TENM1: variants seen among roughly 807,000 people sequenced by gnomAD.
TENM1 encodes teneurin transmembrane protein 1.
TENM1 carries 35 observed loss-of-function variants against 174.8 expected under a neutral mutation model. The observed-to-expected ratio is 0.20, with a 90% CI of 0.15 to 0.27. The LOEUF (loss-of-function observed/expected upper bound fraction) is 0.27. Among genes scored for constraint, TENM1 ranks in the 10% least tolerant of loss-of-function variants. TENM1 has a pLI of 1.00. For missense variants in TENM1, 1,633 were observed against 2,130.1 expected (o/e 0.77, Z 4.59); for synonymous variants, 781 against 798.7 (o/e 0.98, Z 0.37).
chrX:125,083,966 G>T, the TENM1 span, among the ~76,000 whole-genome samples: 3 of 111,154 alleles, frequency 2.7e-5, no homozygotes, highest in African/African-American at 9.8e-5. Flanking sequence ...GCTCAAGTTT[G>T]TAGGTGAGAC....
chrX:124,457,001 C>T (rs192933953), intron 22 of TENM1, among the ~76,000 whole-genome samples: 41 of 111,590 alleles, frequency 3.7e-4, no homozygotes, highest in Non-Finnish European at 6.8e-4. Flanking sequence ...AATTTTCAAC[C>T]GGAATTCATT....
exon 17 of TENM1, chrX:124,523,381 T>C (rs1384013344): frequency 9.1e-6 from 11 of 1,211,677 alleles, no homozygotes; most frequent in Non-Finnish European, 1.1e-5. Context: ...TCAGGAACAA[T>C]AGTTCCCCTC....
intron 5 of TENM1, 148 bp from the exon 9 acceptor site, chrX:124,671,983 T>TGTAA: frequency 4.0e-6 from 2 of 496,241 alleles, no homozygotes; most frequent in Non-Finnish European, 6.7e-6. Flanking sequence ...ACATCATACA[T>TGTAA]GTAGCTACTT....
the TENM1 span, among the ~76,000 whole-genome samples, chrX:125,103,914 C>G: frequency 9.0e-6 from 1 of 111,723 alleles, no homozygotes; most frequent in African/African-American, 3.3e-5. Flanking sequence ...CACTTGAACC[C>G]GGAAGGCGGA....
intron 29 of TENM1, 133 bp from the exon 33 acceptor site, chrX:124,384,987 TC>T: frequency 1.8e-6 from 1 of 543,253 alleles, no homozygotes; most frequent in Non-Finnish European, 2.7e-6. Context: ...ATCTCTGATA[TC>T]AAATGCCTGG....
At chrX:124,747,201 C>T (rs950179818) in intron 3 of TENM1, among the ~76,000 whole-genome samples, 9 of 106,402 alleles carry the variant, frequency 8.5e-5, no homozygotes, top group Non-Finnish European at 1.2e-4. Flanking sequence ...AAAATAAAAA[C>T]GCAAATTAGT....
chrX:124,753,044 T>C (rs2054124168), intron 3 of TENM1, among the ~76,000 whole-genome samples: 1 of 111,039 alleles, frequency 9.0e-6, no homozygotes, highest in African/African-American at 3.3e-5. Context: ...GGTAGCTTGA[T>C]GGGGATGGCA....
intron 3 of TENM1, among the ~76,000 whole-genome samples, chrX:124,767,004 A>G (rs765756360): frequency 3.6e-5 from 4 of 112,131 alleles, no homozygotes; most frequent in Non-Finnish European, 7.5e-5. Context: ...CTTAATTACA[A>G]TGAATACAAT....
chrX:124,645,791 T>C (rs1195385698), intron 9 of TENM1, among the ~76,000 whole-genome samples: 4 of 112,349 alleles, frequency 3.6e-5, no homozygotes, highest in African/African-American at 6.5e-5. Context: ...CTATAACACA[T>C]TGTGCAGACC....
At chrX:125,038,902 C>T in the TENM1 span, among the ~76,000 whole-genome samples, 5 of 111,607 alleles carry the variant, frequency 4.5e-5, no homozygotes, top group Non-Finnish European at 9.5e-5. Flanking sequence ...AAAGACTAGG[C>T]TTAAAGAATA....
intron 29 of TENM1, among the ~76,000 whole-genome samples, chrX:124,385,342 G>A (rs1366263977): frequency 1.8e-5 from 2 of 112,130 alleles, no homozygotes; most frequent in Admixed American, 9.4e-5. Context: ...AGGTTACACA[G>A]GGCTTGAGCT....
chrX:124,605,337 A>C (rs2050128390), intron 11 of TENM1, among the ~76,000 whole-genome samples: 1 of 107,329 alleles, frequency 9.3e-6, no homozygotes. Flanking sequence ...GTTTCACCTT[A>C]AAAATCACAG....
rs981237294 is a variant in TENM1, at chrX:124,751,814, C to T, written c.536-14617G>A. ...ATTTCATCCATGTCCCTACAAAGGA[C>T]ATGAACTCATCATTTTTTATGGCTG... is the stretch of plus-strand genomic sequence containing the variant. On this transcript the variant is annotated intron_variant, in intron 3 of 31. Coordinates refer to ENST00000422452, the Ensembl canonical transcript of TENM1. Among the ~76,000 whole-genome samples, 6 of 109,628 alleles carry T rather than the reference C, an allele frequency of 5.5e-5. No individual in the cohort carries two copies. The Admixed American group carries it at 5.8e-4, about 11-fold the overall frequency.
intron 11 of TENM1, among the ~76,000 whole-genome samples, chrX:124,577,972 C>T (rs2049210479): frequency 9.3e-6 from 1 of 107,886 alleles, no homozygotes; most frequent in African/African-American, 3.4e-5. Context: ...GTTGCCCAGG[C>T]TGGAGTGCAG....
At position 124,500,250 on chromosome X, in the gene TENM1, T is replaced by C. The variant is rs891388942; in HGVS notation, c.3446-2985A>G. Among the ~76,000 whole-genome samples the C allele has an allele frequency of 2.7e-5, 3 of 112,061 alleles. No homozygotes were observed. The Admixed American group carries it at 2.8e-4, about 11-fold the overall frequency. ...TGAAATGACCATTTCTGTTTAAAGC[T>C]GAAGCAATCAAAACAAAAATGGGCA... On this transcript the variant is annotated intron_variant, in intron 19 of 31. Coordinates refer to ENST00000422452, the Ensembl canonical transcript of TENM1.
chrX:124,516,489 T>C (rs1380550923), intron 18 of TENM1, among the ~76,000 whole-genome samples: 1 of 111,888 alleles, frequency 8.9e-6, no homozygotes, highest in Non-Finnish European at 1.9e-5. Flanking sequence ...TATAAGGAAC[T>C]TAAACAAATT....
the TENM1 span, among the ~76,000 whole-genome samples, chrX:125,152,827 G>T: frequency 8.9e-6 from 1 of 112,133 alleles, no homozygotes; most frequent in Non-Finnish European, 1.9e-5. Flanking sequence ...ATCAGTGATG[G>T]TACAAAGAAT....
At chrX:124,874,988 C>T (rs2057173468) in intron 3 of TENM1, among the ~76,000 whole-genome samples, 1 of 110,994 alleles carries the variant, frequency 9.0e-6, no homozygotes, top group East Asian at 2.8e-4. Flanking sequence ...TTATGTTTTT[C>T]CCCATATATT....
At chrX:125,012,748 T>C in the TENM1 span, among the ~76,000 whole-genome samples, 1 of 111,830 alleles carries the variant, frequency 8.9e-6, no homozygotes. Context: ...TAAAATCAAT[T>C]TAAATGAAGG....
Sources: allele counts gnomAD v4.1 joint callset (sites outside exome capture counted in the v4.1 genomes callset), GRCh38; gene constraint gnomAD v4.1.1; transcripts MANE v1.5; gene names NCBI Gene and HGNC (gene_info 2026-07-23, HGNC 2026-07-21).